Variants in HERC2 observed in about 807,000 individuals in gnomAD.
The protein encoded by HERC2 is E3 ubiquitin-protein ligase HERC2.
A neutral mutation model predicts 537.7 loss-of-function variants in HERC2; 102 were observed. The observed-to-expected ratio is 0.19, with a 90% CI of 0.16 to 0.22. The LOEUF is 0.22. Ranked by LOEUF, HERC2 falls within the 10% of genes least tolerant of loss-of-function variation. HERC2 has a pLI of 1.00. For missense variants in HERC2, 4,236 were observed against 6,198.2 expected (o/e 0.68, Z 10.63); for synonymous variants, 2,224 against 2,466.2 (o/e 0.90, Z 2.91).
In HERC2 at chr15:28,116,222, C is replaced by CT. The variant is rs11365574; in HGVS notation, c.13609+442dup. Reference sequence around the variant, plus strand: ...TCAATATTAAAAGTCTTTTCTTTTTCTTTTTTTTTTTTTTTTTGATACAGA... The same window carrying CT: ...TCAATATTAAAAGTCTTTTCTTTTTCTTTTTTTTTTTTTTTTTTGATACAGA... On this transcript the variant is annotated intron_variant, in intron 88 of 92. Coordinates refer to ENST00000261609, the MANE Select transcript of HERC2 (RefSeq NM_004667.6). Among the ~76,000 whole-genome samples, 425 of 126,482 alleles carry CT rather than the reference C, an allele frequency of 3.4e-3. 2 individuals are homozygous for CT. Among genetic ancestry groups the CT allele is most frequent in the African/African-American group, 0.011 (398 of 36,396 alleles). The allele number at this position is 126,482 out of a possible 152,430, so 83.0% of individuals were successfully genotyped here.
Position 28,238,757 on chromosome 15 carries a change from C to T in HERC2, c.3593G>A (p.Gly1198Asp). ...WPGIMESFFT[G>D]QNCRNNEEVT... Reference sequence around the variant, plus strand: ...TTCCTCATTATTTCTACAGTTCTGACCTGTAAAAAATGACTCTGTATATAC... The same window carrying T: ...TTCCTCATTATTTCTACAGTTCTGATCTGTAAAAAATGACTCTGTATATAC... The change falls in exon 24 of 93, where the codon GGT becomes GAT. Residue 1198 changes from glycine (G) to aspartate (D), a missense_variant. Gly to Asp is a moderately conservative substitution (Grantham distance 94). Coordinates refer to ENST00000261609, the MANE Select transcript of HERC2 (RefSeq NM_004667.6). The T allele has an allele frequency of 6.2e-7, 1 of 1,610,576 alleles. No homozygotes were observed. Among genetic ancestry groups the T allele is most frequent in the East Asian group, 2.2e-5 (1 of 44,844 alleles).
chr15:28,119,546 C>T (rs532000898), intron 86 of HERC2, among the ~76,000 whole-genome samples: 2 of 151,876 alleles, frequency 1.3e-5, no homozygotes, highest in South Asian at 2.1e-4. Flanking sequence ...CTCTGCCTCC[C>T]GGGCTCAAGC....
At position 28,167,829 on chromosome 15, in the gene HERC2, T is replaced by C. The variant is rs1894302963; in HGVS notation, c.10414-2A>G. On this transcript the variant is annotated splice_acceptor_variant, in intron 67 of 92. Transcript: ENST00000261609. LOFTEE classifies it high-confidence loss of function. ...CACTGCGTCCTCAGAGGAAACAATC[T>C]AGTCCAAGAGTGCACAGTAGGGGAA... The C allele has an allele frequency of 7.4e-6, 12 of 1,612,098 alleles. No homozygotes were observed. In the East Asian group the frequency reaches 2.7e-4, roughly 36 times the overall value.
chr15:28,161,721 A>G (rs969826434), intron 69 of HERC2, among the ~76,000 whole-genome samples: 1 of 152,240 alleles, frequency 6.6e-6, no homozygotes, highest in Admixed American at 6.5e-5. Flanking sequence ...GGTCCAGAAC[A>G]TTTCCACAAT....
chr15:28,272,473 T>C (rs893929107), intron 8 of HERC2, 87 bp from the exon 9 acceptor site: 11 of 1,220,758 alleles, frequency 9.0e-6, no homozygotes, highest in African/African-American at 7.6e-5. Flanking sequence ...AATAGCTGGA[T>C]AGAAGTGAAC....
chr15:28,238,471 T>C lies in HERC2; in HGVS notation c.3748+131A>G, dbSNP rs60422914. 5.4e-3 allele frequency: 4,051 copies of C among 749,908 alleles called. 113 individuals carry two copies. The African/African-American group carries it at 0.065, about 12-fold the overall frequency. 46.5% of individuals were successfully genotyped at this position (749,908 alleles called of 1,614,324 possible). ...GCTGAATTTGTTGATAAGACAGACA[T>C]CGAAGCCACAGATACATTAAAATAT... On this transcript the variant is annotated intron_variant, in intron 24 of 92. Transcript: ENST00000261609.
At chr15:28,214,384 A>G in intron 40 of HERC2, 112 bp from the exon 41 acceptor site, 1 of 1,034,542 alleles carries the variant, frequency 9.7e-7, no homozygotes, top group Non-Finnish European at 1.5e-6. Context: ...TCACCAGGGC[A>G]CAGGGAAGGG....
intron 35 of HERC2, among the ~76,000 whole-genome samples, chr15:28,222,934 T>A (rs1567035821): frequency 6.6e-6 from 1 of 152,138 alleles, no homozygotes; most frequent in Non-Finnish European, 1.5e-5. Flanking sequence ...CCTGTGTGGA[T>A]CCTGTGGAAG....
rs1202008546 is a variant in HERC2 at position 28,111,615 on chromosome 15, C to T, written c.*148G>A. ...GACCTTCTCACTGTCATTCCCATCA[C>T]GGCCAGTCAGTCTCTCCACTCCCTC... On this transcript the variant is annotated 3_prime_UTR_variant, in exon 93 of 93. Transcript: ENST00000261609. 1.6e-5 allele frequency: 12 copies of T among 769,580 alleles called. No individual in the cohort carries two copies. The East Asian group carries it at 1.9e-4, about 12-fold the overall frequency. The allele number at this position is 769,580 out of a possible 1,614,324, so 47.7% of individuals were successfully genotyped here.
chr15:28,111,736 C>G lies in HERC2; in HGVS notation c.*27G>C, dbSNP rs764226510. On this transcript the variant is annotated 3_prime_UTR_variant, in exon 93 of 93. Coordinates refer to ENST00000261609, the MANE Select transcript of HERC2 (RefSeq NM_004667.6). ...AGCGCTCTGCTGCCTGGCTCAGGCT[C>G]TCATCTCACGAGGACGTTTCCCCAT... The G allele has an allele frequency of 6.2e-7, 1 of 1,608,970 alleles. No individual in the cohort carries two copies. Among genetic ancestry groups the G allele is most frequent in the Non-Finnish European group, 8.5e-7 (1 of 1,175,942 alleles).
chr15:28,265,496 A>G lies in HERC2; in HGVS notation c.1870+122T>C. The stretch of plus-strand genomic sequence containing the variant: ...CTCTTCCCCAATGCCACTGAGCCCC[A>G]CACCCACTGGGCGACAGGGTGGGTG... On this transcript the variant is annotated intron_variant, in intron 14 of 92. Transcript: ENST00000261609. The surrounding 1 kb of genome is among the most constrained non-coding windows in gnomAD (Gnocchi z 4.0). 1.3e-6 allele frequency: 1 copy of G among 752,900 alleles called. No individual in the cohort carries two copies. The highest frequency in any genetic ancestry group is 2.2e-6 in the Non-Finnish European group (1 of 446,190). 46.6% of individuals were successfully genotyped at this position (752,900 alleles called of 1,614,324 possible). A position where few individuals can be genotyped will look rare whatever the true frequency, so the allele number is the denominator to read the frequency against.
At chr15:28,239,340 C>T (rs1902804163) in intron 23 of HERC2, among the ~76,000 whole-genome samples, 1 of 152,110 alleles carries the variant, frequency 6.6e-6, no homozygotes, top group Admixed American at 6.5e-5. Flanking sequence ...CAATAAAAGT[C>T]TATTAGTTCA....
At chr15:28,200,115 G>A (rs1258309826) in intron 48 of HERC2, among the ~76,000 whole-genome samples, 1 of 152,178 alleles carries the variant, frequency 6.6e-6, no homozygotes, top group Admixed American at 6.5e-5. Flanking sequence ...AGAGACTCCA[G>A]GATGGGCATG....
intron 69 of HERC2, among the ~76,000 whole-genome samples, chr15:28,154,055 T>C (rs1892734819): frequency 6.6e-6 from 1 of 152,238 alleles, no homozygotes; most frequent in Admixed American, 6.5e-5. Context: ...TTAAAACTTA[T>C]TGATGATTCA....
chr15:28,287,182 G>C (rs1275690018), intron 4 of HERC2, among the ~76,000 whole-genome samples: 1 of 152,066 alleles, frequency 6.6e-6, no homozygotes, highest in Non-Finnish European at 1.5e-5. Flanking sequence ...AATTCCTATG[G>C]CTCAAATTAA....
intron 69 of HERC2, among the ~76,000 whole-genome samples, chr15:28,162,279 G>A (rs1463620417): frequency 1.3e-5 from 2 of 152,208 alleles, no homozygotes; most frequent in Non-Finnish European, 2.9e-5. Flanking sequence ...ATCCTGGGAG[G>A]CTGAGATTGC....
intron 20 of HERC2, among the ~76,000 whole-genome samples, chr15:28,249,714 TC>T (rs1215330546): frequency 6.6e-6 from 1 of 152,032 alleles, no homozygotes; most frequent in African/African-American, 2.4e-5. Context: ...TGACATGATC[TC>T]AGCTCACTGC....
In HERC2 at chr15:28,233,562, C is replaced by T. The variant is rs1279608901; in HGVS notation, c.4352-1G>A. 3.1e-6 allele frequency: 5 copies of T among 1,613,394 alleles called. No individual in the cohort carries two copies. In the African/African-American group the frequency reaches 4.0e-5, roughly 13 times the overall value. ...TGAACTAAAGATAATGCCACATGACCTGTAAAAAGACATTTAAAAGAAGGG... is the reference window on the plus strand; with the variant it reads ...TGAACTAAAGATAATGCCACATGACTTGTAAAAAGACATTTAAAAGAAGGG... On this transcript the variant is annotated splice_acceptor_variant, in intron 28 of 92. Transcript: ENST00000261609. LOFTEE classifies it high-confidence loss of function.
At chr15:28,119,722 G>C (rs1046307577) in intron 86 of HERC2, among the ~76,000 whole-genome samples, 6 of 152,090 alleles carry the variant, frequency 3.9e-5, no homozygotes, top group Admixed American at 6.5e-5. Context: ...CCAAAGTGCT[G>C]GGATTACAGG....
Sources: gnomAD v4.1 joint callset for allele counts (sites outside exome capture counted in the v4.1 genomes callset) on GRCh38, gnomAD v4.1.1 for gene constraint, Gnocchi (gnomAD v3.1) non-coding constraint, MANE v1.5 for transcripts, NCBI Gene and HGNC (gene_info 2026-07-23, HGNC 2026-07-21) for gene names.